The following MITF variants were observed in gnomAD, a reference collection of about 807,000 sequenced individuals.
MITF encodes microphthalmia-associated transcription factor.
Under a neutral mutation model 60.5 loss-of-function variants are expected in MITF, and 17 were observed. The observed-to-expected ratio is 0.28, with a 90% CI of 0.19 to 0.42. MITF has a LOEUF of 0.42. Ranked by LOEUF, MITF falls within the 10% of genes least tolerant of loss-of-function variation. The probability of loss-of-function intolerance (pLI) is 1.00; values close to 1 mark genes in which losing one functional copy is unlikely to be tolerated. For missense variants in MITF, 622 were observed against 683.5 expected, an observed-to-expected ratio of 0.91 and a Z score of 1.00; for synonymous variants, 260 against 248.5, an observed-to-expected ratio of 1.05 and a Z score of -0.43.
rs371001944 is a variant in MITF at position 69,780,988 on chromosome 3, C to T, written c.104+41287C>T. On this transcript the variant is annotated intron_variant, in intron 1 of 9. Coordinates refer to ENST00000352241, the MANE Select transcript of MITF (RefSeq NM_001354604.2). ...TCTAGATATTGGTGACACTGTTTATCAAAGGTAAATGAGGGACATAGCAAA... is the reference window on the plus strand; with the variant it reads ...TCTAGATATTGGTGACACTGTTTATTAAAGGTAAATGAGGGACATAGCAAA... Among the ~76,000 whole-genome samples, 57 of 152,170 alleles carry T rather than the reference C, an allele frequency of 3.7e-4. No individual in the cohort carries two copies. The South Asian group carries it at 0.012, about 32-fold the overall frequency.
At chr3:69,847,540 T>C (rs2063753013) in intron 1 of MITF, among the ~76,000 whole-genome samples, 1 of 152,206 alleles carries the variant, frequency 6.6e-6, no homozygotes, top group African/African-American at 2.4e-5. Context: ...CCAGGGGTTG[T>C]ATTTTTAACT....
At chr3:69,901,478 G>A (rs1042150020) in intron 2 of MITF, among the ~76,000 whole-genome samples, 1 of 151,856 alleles carries the variant, frequency 6.6e-6, no homozygotes, top group African/African-American at 2.4e-5. Context: ...CTATCCTTCT[G>A]TTCATCTCCT....
intron 2 of MITF, among the ~76,000 whole-genome samples, chr3:69,907,244 T>A (rs1370977990): frequency 6.6e-6 from 1 of 152,192 alleles, no homozygotes; most frequent in Non-Finnish European, 1.5e-5. Flanking sequence ...ACTTTCTATG[T>A]CCAAAACTTT....
At chr3:69,830,025 G>C (rs1245587461) in intron 1 of MITF, among the ~76,000 whole-genome samples, 1 of 152,060 alleles carries the variant, frequency 6.6e-6, no homozygotes, top group Non-Finnish European at 1.5e-5. Flanking sequence ...TCAGCAGGAG[G>C]GACCGTGATG....
chr3:69,882,798 T>C (rs1427340407), intron 2 of MITF, among the ~76,000 whole-genome samples: 1 of 152,226 alleles, frequency 6.6e-6, no homozygotes, highest in Non-Finnish European at 1.5e-5. Flanking sequence ...TTCATAGTTT[T>C]GTCTCTCTGA....
chr3:69,887,143 T>A (rs779435022), intron 2 of MITF, among the ~76,000 whole-genome samples: 44 of 152,078 alleles, frequency 2.9e-4, no homozygotes, highest in Non-Finnish European at 5.1e-4. Flanking sequence ...TTTAAGTAAA[T>A]GTCAGTGGTA....
At chr3:69,836,868 C>A (rs1356935484) in intron 1 of MITF, among the ~76,000 whole-genome samples, 4 of 152,100 alleles carry the variant, frequency 2.6e-5, no homozygotes, top group African/African-American at 9.7e-5. Context: ...AGCTCTGGGT[C>A]CCTGGAGGCC....
At chr3:69,884,065 A>T (rs1424924837) in intron 2 of MITF, among the ~76,000 whole-genome samples, 1 of 152,180 alleles carries the variant, frequency 6.6e-6, no homozygotes, top group African/African-American at 2.4e-5. Flanking sequence ...TGAATCATTC[A>T]GTGTCACACA....
intron 1 of MITF, among the ~76,000 whole-genome samples, chr3:69,846,311 T>C (rs1390665227): frequency 6.6e-6 from 1 of 152,168 alleles, no homozygotes; most frequent in African/African-American, 2.4e-5. Flanking sequence ...ATGACTTTTA[T>C]TTCAAATACT....
At chr3:69,903,539 C>T (rs2065036528) in intron 2 of MITF, among the ~76,000 whole-genome samples, 1 of 152,130 alleles carries the variant, frequency 6.6e-6, no homozygotes, top group Non-Finnish European at 1.5e-5. Context: ...TATCTTAGGT[C>T]ATGAGGTAGC....
At chr3:69,936,834 A>T in intron 2 of MITF, 1 of 1,317,162 alleles carries the variant, frequency 7.6e-7, no homozygotes, top group Non-Finnish European at 1.1e-6. Flanking sequence ...TGTTATTGTA[A>T]TAGACATACT....
chr3:69,921,818 A>G lies in MITF; in HGVS notation c.355-16004A>G, dbSNP rs551453277. Among the ~76,000 whole-genome samples the G allele has an allele frequency of 1.8e-3, 273 of 152,278 alleles. 2 individuals carry two copies. Among genetic ancestry groups the G allele is most frequent in the African/African-American group, 6.3e-3 (263 of 41,558 alleles). On this transcript the variant is annotated intron_variant, in intron 2 of 9. Coordinates refer to ENST00000352241, the MANE Select transcript of MITF (RefSeq NM_001354604.2). ...GGAAATTGGCACAGCCTCTTCTAGGATAGGATTTCTACACTGTGGCATTAT... is the reference window on the plus strand; with the variant it reads ...GGAAATTGGCACAGCCTCTTCTAGGGTAGGATTTCTACACTGTGGCATTAT...
intron 2 of MITF, among the ~76,000 whole-genome samples, chr3:69,901,539 T>C (rs2064995791): frequency 6.6e-6 from 1 of 152,060 alleles, no homozygotes; most frequent in East Asian, 1.9e-4. Flanking sequence ...TTTGTTAGAG[T>C]GCACTTAGAG....
intron 1 of MITF, among the ~76,000 whole-genome samples, chr3:69,825,810 A>G (rs1044438458): frequency 3.3e-5 from 5 of 152,134 alleles, no homozygotes; most frequent in African/African-American, 1.2e-4. Flanking sequence ...AAGAGTGTCC[A>G]CCTAGTTAGA....
intron 2 of MITF, among the ~76,000 whole-genome samples, chr3:69,928,456 C>T (rs1488540332): frequency 1.3e-5 from 2 of 152,168 alleles, no homozygotes; most frequent in Non-Finnish European, 2.9e-5. Context: ...ATTTAAAAGT[C>T]TTCAGGAATC....
intron 2 of MITF, among the ~76,000 whole-genome samples, chr3:69,894,004 A>G (rs1207353705): frequency 1.3e-5 from 2 of 152,234 alleles, no homozygotes; most frequent in African/African-American, 4.8e-5. Context: ...AGAAAAATTA[A>G]TAGACATCAG....
intron 1 of MITF, among the ~76,000 whole-genome samples, chr3:69,792,176 G>A (rs1397409474): frequency 1.3e-5 from 2 of 152,196 alleles, no homozygotes; most frequent in Non-Finnish European, 2.9e-5. Flanking sequence ...TCAGAGAAAC[G>A]AAACAAAACA....
intron 2 of MITF, among the ~76,000 whole-genome samples, chr3:69,886,440 G>A (rs2064620168): frequency 6.6e-6 from 1 of 152,010 alleles, no homozygotes; most frequent in Non-Finnish European, 1.5e-5. Flanking sequence ...GGGAAACTGA[G>A]GCTTAGATTA....
chr3:69,826,040 T>A (rs1309474693), intron 1 of MITF, among the ~76,000 whole-genome samples: 1 of 152,228 alleles, frequency 6.6e-6, no homozygotes, highest in Non-Finnish European at 1.5e-5. Context: ...TTTAAAATTT[T>A]ACACTACATA....
Sources: gnomAD v4.1 joint callset for allele counts (sites outside exome capture counted in the v4.1 genomes callset) on GRCh38, gnomAD v4.1.1 for gene constraint, MANE v1.5 for transcripts, NCBI Gene and HGNC (gene_info 2026-07-23, HGNC 2026-07-21) for gene names.